The following OPCML variants were observed in gnomAD, a reference collection of about 807,000 sequenced individuals.
The protein encoded by OPCML is opioid-binding protein/cell adhesion molecule.
In OPCML, 13 loss-of-function variants were observed where a neutral mutation model predicts 37.8. The ratio of observed to expected loss-of-function variants is 0.34; its 90% CI spans 0.22 to 0.55. OPCML has a LOEUF of 0.55. Among genes scored for constraint, OPCML ranks in the 20% least tolerant of loss-of-function variants. The pLI, the probability that OPCML is intolerant of heterozygous loss-of-function variation, is 0.91. For synonymous variants in OPCML, 176 were observed against 168.8 expected (o/e 1.04, Z -0.33); for missense variants, 341 against 435.6 (o/e 0.78, Z 1.93).
intron 1 of OPCML, among the ~76,000 whole-genome samples, chr11:133,308,736 A>T (rs1287046996): frequency 6.6e-6 from 1 of 152,194 alleles, no homozygotes; most frequent in Non-Finnish European, 1.5e-5. Flanking sequence ...ATCAATACAG[A>T]TAACAAGGCC....
intron 4 of OPCML, among the ~76,000 whole-genome samples, chr11:132,456,983 A>C (rs2136885615): frequency 6.6e-6 from 1 of 152,290 alleles, no homozygotes; most frequent in South Asian, 2.1e-4. Context: ...GATGATGACA[A>C]TAGAATGTGG....
At chr11:132,624,435 C>T (rs60714527) in intron 3 of OPCML, among the ~76,000 whole-genome samples, 16,213 of 152,182 alleles carry the variant, frequency 0.11, 940 homozygotes, top group Middle Eastern at 0.18. Flanking sequence ...TGTAGAAATA[C>T]TCTTTTCTTA....
intron 3 of OPCML, among the ~76,000 whole-genome samples, chr11:132,627,192 C>A (rs552084196): frequency 6.6e-6 from 1 of 152,038 alleles, no homozygotes; most frequent in African/African-American, 2.4e-5. Context: ...TTGAAAGAAT[C>A]ATTATGAAAG....
chr11:133,324,664 C>T (rs771548604), intron 1 of OPCML, among the ~76,000 whole-genome samples: 35 of 152,164 alleles, frequency 2.3e-4, no homozygotes, highest in Non-Finnish European at 4.7e-4. Context: ...CGGGGGCAGG[C>T]CTTGTTCCTC....
At chr11:133,228,054 T>C (rs1940113661) in intron 1 of OPCML, among the ~76,000 whole-genome samples, 1 of 152,202 alleles carries the variant, frequency 6.6e-6, no homozygotes, top group Non-Finnish European at 1.5e-5. Context: ...GGTTTTCATC[T>C]TTATTGGGAG....
At chr11:133,455,899 CTG>C (rs1946663498) in intron 1 of OPCML, among the ~76,000 whole-genome samples, 1 of 152,196 alleles carries the variant, frequency 6.6e-6, no homozygotes, top group Non-Finnish European at 1.5e-5. Context: ...ACCCCTTCCA[CTG>C]TGGTGTAGTT....
intron 3 of OPCML, among the ~76,000 whole-genome samples, chr11:132,545,910 C>T (rs116282229): frequency 0.015 from 2,327 of 152,272 alleles, 55 homozygotes; most frequent in African/African-American, 0.048. Context: ...GTATTTGCTA[C>T]AGAGACATAG....
intron 1 of OPCML, among the ~76,000 whole-genome samples, chr11:133,003,045 C>G (rs767569653): frequency 6.6e-6 from 1 of 152,174 alleles, no homozygotes; most frequent in Non-Finnish European, 1.5e-5. Flanking sequence ...CATCTGTAAA[C>G]AGCAGCATAT....
At chr11:132,949,446 T>C (rs1283463537) in intron 1 of OPCML, among the ~76,000 whole-genome samples, 3 of 152,158 alleles carry the variant, frequency 2.0e-5, no homozygotes, top group Non-Finnish European at 4.4e-5. Flanking sequence ...GGCAGCAACT[T>C]CTGTTCAGAA....
intron 2 of OPCML, among the ~76,000 whole-genome samples, chr11:132,787,722 T>C (rs1044015680): frequency 6.6e-6 from 1 of 152,194 alleles, no homozygotes; most frequent in African/African-American, 2.4e-5. Context: ...TTAGAACCTA[T>C]AGCCTTGGGT....
At chr11:132,923,509 A>G (rs1294341255) in intron 2 of OPCML, among the ~76,000 whole-genome samples, 3 of 152,202 alleles carry the variant, frequency 2.0e-5, no homozygotes, top group Non-Finnish European at 2.9e-5. Context: ...GACCTGTCAT[A>G]TATAGAAAGA....
chr11:133,477,428 G>A (rs189193395), intron 1 of OPCML, among the ~76,000 whole-genome samples: 3 of 152,270 alleles, frequency 2.0e-5, no homozygotes, highest in East Asian at 1.9e-4. Context: ...AGACACCTGC[G>A]ATCCTCAGTG....
At chr11:132,929,116 TAAAC>T (rs1318913100) in intron 2 of OPCML, among the ~76,000 whole-genome samples, 1 of 149,572 alleles carries the variant, frequency 6.7e-6, no homozygotes, top group Admixed American at 6.6e-5. Context: ...ATAGGAGAGA[TAAAC>T]AAAATAGAGA....
chr11:133,042,860 G>A (rs184092367), intron 1 of OPCML, among the ~76,000 whole-genome samples: 10 of 152,214 alleles, frequency 6.6e-5, no homozygotes, highest in East Asian at 5.8e-4. Context: ...GAAGACACCC[G>A]AGACGCCTCC....
chr11:133,154,402 C>A (rs1950027967), intron 1 of OPCML, among the ~76,000 whole-genome samples: 1 of 151,938 alleles, frequency 6.6e-6, no homozygotes, highest in Non-Finnish European at 1.5e-5. Context: ...TTTCTCAGGT[C>A]GTTAGAATTT....
At chr11:132,752,834 G>A (rs894709105) in intron 2 of OPCML, among the ~76,000 whole-genome samples, 1 of 152,038 alleles carries the variant, frequency 6.6e-6, no homozygotes, top group Non-Finnish European at 1.5e-5. Flanking sequence ...CCTGATAAGC[G>A]CCTGAGGAAT....
chr11:132,896,246 C>T (rs1444881134), intron 2 of OPCML, among the ~76,000 whole-genome samples: 2 of 152,144 alleles, frequency 1.3e-5, no homozygotes, highest in Admixed American at 6.5e-5. Context: ...AAACCCTACT[C>T]GGACACACCA....
chr11:132,983,028 A>C (rs1353024913), intron 1 of OPCML, among the ~76,000 whole-genome samples: 1 of 152,206 alleles, frequency 6.6e-6, no homozygotes, highest in African/African-American at 2.4e-5. Flanking sequence ...ACTCCTTGCC[A>C]AATTATGATG....
intron 3 of OPCML, among the ~76,000 whole-genome samples, chr11:132,583,023 A>T (rs2096465417): frequency 6.6e-6 from 1 of 151,636 alleles, no homozygotes; most frequent in South Asian, 2.1e-4. Flanking sequence ...CAATAGGAAA[A>T]TGTCTCTACA....
Sources: gnomAD v4.1 joint callset for allele counts (sites outside exome capture counted in the v4.1 genomes callset) on GRCh38, gnomAD v4.1.1 for gene constraint, MANE v1.5 for transcripts, NCBI Gene and HGNC (gene_info 2026-07-23, HGNC 2026-07-21) for gene names.